The following CDKL5 variants were observed in gnomAD, a reference collection of about 807,000 sequenced individuals.
The protein encoded by CDKL5 is cyclin dependent kinase like 5.
In CDKL5, 8 loss-of-function variants were observed where a neutral mutation model predicts 61.7. The observed-to-expected ratio is 0.13, with a 90% CI of 0.08 to 0.23. The LOEUF is 0.23. Among genes scored for constraint, CDKL5 ranks in the 10% least tolerant of loss-of-function variants. The pLI is 1.00. For missense variants in CDKL5, 440 were observed against 734.5 expected (o/e 0.60, Z 4.63); for synonymous variants, 275 against 272.3 (o/e 1.01, Z -0.10).
intron 1 of CDKL5, among the ~76,000 whole-genome samples, chrX:18,467,115 C>T (rs1679685044): frequency 9.0e-6 from 1 of 111,315 alleles, no homozygotes; most frequent in Non-Finnish European, 1.9e-5. Flanking sequence ...TACCTGACAG[C>T]AGTAACTTAC....
chrX:18,494,904 T>C (rs1268335932), intron 1 of CDKL5, among the ~76,000 whole-genome samples: 1 of 112,150 alleles, frequency 8.9e-6, no homozygotes, highest in African/African-American at 3.2e-5. Flanking sequence ...CTATTAATTA[T>C]GGGTCAGATG....
chrX:18,430,826 G>A, intron 1 of CDKL5, among the ~76,000 whole-genome samples: 1 of 109,385 alleles, frequency 9.1e-6, no homozygotes, highest in East Asian at 2.9e-4. Flanking sequence ...AAAGCTTCTT[G>A]TGATTAAAAC....
chrX:18,584,484 A>G (rs1231629919), intron 8 of CDKL5, 131 bp downstream of exon 8: 3 of 491,899 alleles, frequency 6.1e-6, no homozygotes, highest in Non-Finnish European at 1.1e-5. Context: ...GCAGTATAAC[A>G]AACTACCTAA....
chrX:18,580,725 A>T (rs1274000690), intron 6 of CDKL5, among the ~76,000 whole-genome samples: 10 of 112,126 alleles, frequency 8.9e-5, no homozygotes, highest in African/African-American at 3.2e-4. Context: ...ATATTTATTT[A>T]AAAAATTGCA....
At chrX:18,586,295 A>T (rs901932435) in intron 8 of CDKL5, among the ~76,000 whole-genome samples, 1 of 111,221 alleles carries the variant, frequency 9.0e-6, no homozygotes, top group African/African-American at 3.3e-5. Flanking sequence ...TTCTTTTGGG[A>T]GAATTGAATT....
rs1234398359 is a variant in CDKL5, at chrX:18,604,440, G to A, written c.1516G>A (p.Ala506Thr). 8.3e-7 allele frequency: 1 copy of A among 1,211,537 alleles called. No homozygotes were observed. Among genetic ancestry groups the A allele is most frequent in the South Asian group, 1.8e-5 (1 of 56,994 alleles). Residue 506 changes from alanine (A) to threonine (T), a missense_variant, in exon 12 of 18, where the codon GCC (alanine) becomes ACC (threonine). Transcript: ENST00000623535. ...TGTGAGCAACCTTTCTGAAGCCAGGGCCCAAATTGCGGAGCCCAGTACCAG... is the reference window on the plus strand; with the variant it reads ...TGTGAGCAACCTTTCTGAAGCCAGGACCCAAATTGCGGAGCCCAGTACCAG... ...KSVSNLSEAR[A>T]QIAEPSTSRY...
chrX:18,591,720 T>C lies in CDKL5; in HGVS notation c.744+3577T>C, dbSNP rs924961487. ...CACCATTTCCTTGACATATTGCTTT[T>C]ATAGTCTGCATTTCCATCTCTATAA... On this transcript the variant is annotated intron_variant, in intron 9 of 17. Coordinates refer to ENST00000623535, the MANE Select transcript of CDKL5 (RefSeq NM_001323289.2). Among the ~76,000 whole-genome samples the C allele has an allele frequency of 4.5e-5, 5 of 111,647 alleles. No individual in the cohort carries two copies. The Admixed American group carries it at 4.8e-4, about 11-fold the overall frequency.
At chrX:18,433,294 G>A (rs1333134369) in intron 1 of CDKL5, among the ~76,000 whole-genome samples, 1 of 109,057 alleles carries the variant, frequency 9.2e-6, no homozygotes, top group African/African-American at 3.3e-5. Context: ...GCTCACGCCT[G>A]TAATCCCTAG....
chrX:18,598,236 A>G (rs943493591), intron 10 of CDKL5, among the ~76,000 whole-genome samples: 2 of 111,609 alleles, frequency 1.8e-5, no homozygotes, highest in African/African-American at 3.3e-5. Flanking sequence ...GAAAATATGT[A>G]TATAGGATAT....
chrX:18,626,725 C>CTCT (rs1927068634), intron 17 of CDKL5: 2 of 25,786 alleles, frequency 7.8e-5, no homozygotes, highest in African/African-American at 3.1e-4. Context: ...TCTCTCTCTC[C>CTCT]CCCCTCTCTC....
At position 18,636,279 on chromosome X, in the gene CDKL5, T is replaced by C. The variant is rs1468702497; in HGVS notation, c.*7522T>C. On this transcript the variant is annotated 3_prime_UTR_variant, in exon 18 of 18. Transcript: ENST00000623535. ...ACTGAATGAAAGTATTTGGTGCTTA[T>C]ACTTTTTAATGTTCATAGCACTTAC... 2 of 110,304 alleles carry C rather than the reference T, an allele frequency of 1.8e-5. No individual in the cohort carries two copies. The highest frequency in any genetic ancestry group is 3.3e-5 in the African/African-American group (1 of 30,434). 9.1% of individuals were successfully genotyped at this position (110,304 alleles called of 1,213,427 possible).
At chrX:18,618,997 T>C (rs1346435879) in intron 15 of CDKL5, among the ~76,000 whole-genome samples, 3 of 110,890 alleles carry the variant, frequency 2.7e-5, no homozygotes, top group Non-Finnish European at 5.7e-5. Flanking sequence ...ATAAAGACTC[T>C]TAAGTTTTCA....
intron 1 of CDKL5, among the ~76,000 whole-genome samples, chrX:18,446,549 CTCCTT>C (rs1413589125): frequency 8.9e-6 from 1 of 111,816 alleles, no homozygotes; most frequent in Non-Finnish European, 1.9e-5. Context: ...AGTCTGTTCT[CTCCTT>C]TATGCAGTTG....
Position 18,526,027 on chromosome X carries a change from G to A in CDKL5, c.99+15173G>A, listed in dbSNP as rs1357898391. The stretch of plus-strand genomic sequence containing the variant: ...CTCCCAAAGTACTGGGATTATAGGC[G>A]TGAGCCACCGCACCCGGCCAACAAT... On this transcript the variant is annotated intron_variant, in intron 3 of 17. Transcript: ENST00000623535. 2.7e-5 allele frequency among the ~76,000 whole-genome samples: 3 copies of A among 112,181 alleles called. No homozygotes were observed. The Middle Eastern group carries it at 0.014, about 515-fold the overall frequency.
At chrX:18,651,264 T>TGTGTGTGTGTGTGTGTGA (rs1491242962) in intron 21 of CDKL5, among the ~76,000 whole-genome samples, 1 of 69,008 alleles carries the variant, frequency 1.4e-5, no homozygotes, top group African/African-American at 6.3e-5. Context: ...TGTGTGTGTG[T>TGTGTGTGTGTGTGTGTGA]GAGAGAGAGA....
chrX:18,446,372 CAAA>C (rs1294696081), intron 1 of CDKL5, among the ~76,000 whole-genome samples: 2 of 108,885 alleles, frequency 1.8e-5, no homozygotes, highest in African/African-American at 6.7e-5. Context: ...AACAAAAAAA[CAAA>C]AAAACAAAAC....
At chrX:18,436,653 A>C (rs762121421) in intron 1 of CDKL5, among the ~76,000 whole-genome samples, 1 of 110,595 alleles carries the variant, frequency 9.0e-6, no homozygotes, top group Non-Finnish European at 1.9e-5. Flanking sequence ...TAATCCCAGC[A>C]CTTTGGGAGG....
chrX:18,508,596 A>G (rs1242328145), intron 2 of CDKL5, among the ~76,000 whole-genome samples: 1 of 110,766 alleles, frequency 9.0e-6, no homozygotes, highest in Non-Finnish European at 1.9e-5. Flanking sequence ...TTCTGGGCCT[A>G]AGTTTTTCTG....
At chrX:18,456,286 C>A (rs1210355883) in intron 1 of CDKL5, among the ~76,000 whole-genome samples, 1 of 111,176 alleles carries the variant, frequency 9.0e-6, no homozygotes, top group African/African-American at 3.3e-5. Flanking sequence ...GGTCCACCCA[C>A]CTTGGCCACC....
Sources: allele counts gnomAD v4.1 joint callset (sites outside exome capture counted in the v4.1 genomes callset), GRCh38; gene constraint gnomAD v4.1.1; transcripts MANE v1.5; gene names NCBI Gene and HGNC (gene_info 2026-07-23, HGNC 2026-07-21).